The following SLC22A23 variants were observed in gnomAD, a reference collection of about 807,000 sequenced individuals.
The protein encoded by SLC22A23 is ion transporter protein.
Under a neutral mutation model 61.0 loss-of-function variants are expected in SLC22A23, and 26 were observed. The observed-to-expected ratio is 0.43, with a 90% confidence interval of 0.31 to 0.59. SLC22A23 has a LOEUF of 0.59. Among genes scored for constraint, SLC22A23 ranks in the 20% least tolerant of loss-of-function variants. The pLI, the probability that SLC22A23 is intolerant of heterozygous loss-of-function variation, is 0.11. For missense variants in SLC22A23, 796 were observed against 934.7 expected (o/e 0.85, Z 1.94); for synonymous variants, 430 against 413.9 (o/e 1.04, Z -0.47).
intron 3 of SLC22A23, among the ~76,000 whole-genome samples, chr6:3,399,942 A>C (rs1306721713): frequency 6.6e-6 from 1 of 151,104 alleles, no homozygotes; most frequent in East Asian, 1.9e-4. Context: ...GCAATGGCAC[A>C]ATCTCAGCTC....
At chr6:3,335,020 A>G (rs1025913589) in intron 3 of SLC22A23, among the ~76,000 whole-genome samples, 6 of 152,234 alleles carry the variant, frequency 3.9e-5, no homozygotes, top group Non-Finnish European at 8.8e-5. Context: ...GGAGATTACA[A>G]TAAAAAGAAA....
Position 3,390,364 on chromosome 6 carries a change from C to T in SLC22A23, c.913+19824G>A, listed in dbSNP as rs1767587606. On this transcript the variant is annotated intron_variant, in intron 3 of 9. Coordinates refer to ENST00000406686, the MANE Select transcript of SLC22A23 (RefSeq NM_015482.2). The surrounding 1 kb of genome is among the most constrained non-coding windows in gnomAD (Gnocchi z 4.0). ...GAATGCAGAGAGATCTAAGTAGATC[C>T]TGCATCCCTCTTCTCTGCCCCACTC... Among the ~76,000 whole-genome samples, 2 of 152,178 alleles carry T rather than the reference C, an allele frequency of 1.3e-5. No homozygotes were observed. Among genetic ancestry groups the T allele is most frequent in the Non-Finnish European group, 2.9e-5 (2 of 68,022 alleles).
chr6:3,348,838 A>G (rs1480477177), intron 3 of SLC22A23, among the ~76,000 whole-genome samples: 1 of 152,176 alleles, frequency 6.6e-6, no homozygotes, highest in Non-Finnish European at 1.5e-5. Flanking sequence ...CAGCCAACGG[A>G]CCGGGTCCCC....
chr6:3,417,860 C>T (rs1430555228), intron 1 of SLC22A23, among the ~76,000 whole-genome samples: 1 of 152,208 alleles, frequency 6.6e-6, no homozygotes, highest in African/African-American at 2.4e-5. Context: ...AATGCAGGGT[C>T]GTACAGCTAG....
At chr6:3,366,386 A>C (rs957062430) in intron 3 of SLC22A23, among the ~76,000 whole-genome samples, 1 of 146,372 alleles carries the variant, frequency 6.8e-6, no homozygotes, top group African/African-American at 2.5e-5. Flanking sequence ...GAAGGGTATG[A>C]GGTATGATGT....
chr6:3,437,713 T>C (rs1482296338), intron 1 of SLC22A23, among the ~76,000 whole-genome samples: 1 of 148,482 alleles, frequency 6.7e-6, no homozygotes, highest in Non-Finnish European at 1.5e-5. Flanking sequence ...TAAATAATAA[T>C]AATTTTAAAA....
intron 5 of SLC22A23, among the ~76,000 whole-genome samples, chr6:3,294,737 T>C (rs569242967): frequency 6.6e-6 from 1 of 152,228 alleles, no homozygotes; most frequent in Non-Finnish European, 1.5e-5. Flanking sequence ...AGGACTGACA[T>C]TGAGAGAATG....
chr6:3,269,649 A>C lies in SLC22A23; in HGVS notation c.*3406T>G, dbSNP rs867735460. 1.5e-5 allele frequency: 1 copy of C among 66,160 alleles called. No homozygotes were observed. The highest frequency in any genetic ancestry group is 3.3e-5 in the Non-Finnish European group (1 of 30,672). 4.1% of individuals were successfully genotyped at this position (66,160 alleles called of 1,614,324 possible). ...TACAGAAACACAGTTTTTATATTAC[A>C]ACCTCAAGGACAGGGAGGGAAGTGT... is the stretch of plus-strand genomic sequence containing the variant. On this transcript the variant is annotated 3_prime_UTR_variant, in exon 10 of 10. Coordinates refer to ENST00000406686, the MANE Select transcript of SLC22A23 (RefSeq NM_015482.2).
intron 9 of SLC22A23, chr6:3,282,289 A>G (rs1220384485): frequency 1.4e-6 from 1 of 702,588 alleles, no homozygotes; most frequent in Admixed American, 2.0e-5. Context: ...CAAGCACTAA[A>G]TAAGCTCCTG....
At chr6:3,395,170 G>A (rs1417103622) in intron 3 of SLC22A23, among the ~76,000 whole-genome samples, 6 of 152,122 alleles carry the variant, frequency 3.9e-5, no homozygotes. Flanking sequence ...ATTAATACAA[G>A]GGTATTCTCA....
At chr6:3,437,012 G>T (rs1163478986) in intron 1 of SLC22A23, among the ~76,000 whole-genome samples, 4 of 152,100 alleles carry the variant, frequency 2.6e-5, no homozygotes, top group Admixed American at 2.6e-4. Context: ...AAATTGCCTG[G>T]TAACCTTCTG....
chr6:3,346,603 T>G (rs567165783), intron 3 of SLC22A23, among the ~76,000 whole-genome samples: 2 of 152,310 alleles, frequency 1.3e-5, no homozygotes, highest in Admixed American at 6.5e-5. Context: ...TGTGTTGGCA[T>G]TGCATTCCTG....
chr6:3,323,667 A>T, intron 4 of SLC22A23, 167 bp downstream of exon 4: 1 of 788,556 alleles, frequency 1.3e-6, no homozygotes, highest in East Asian at 2.7e-5. Flanking sequence ...TCCAAGACAG[A>T]AAGTTTAAAC....
At chr6:3,407,719 T>G (rs978135135) in intron 3 of SLC22A23, among the ~76,000 whole-genome samples, 5 of 152,254 alleles carry the variant, frequency 3.3e-5, no homozygotes, top group African/African-American at 1.2e-4. Flanking sequence ...CAATGGCATT[T>G]GTCATGATGT....
rs760054804 is a variant in SLC22A23, at chr6:3,273,069, T to A, written c.2047A>T (p.Met683Leu). 12 of 1,566,938 alleles carry A rather than the reference T, an allele frequency of 7.7e-6. No individual in the cohort carries two copies. Among genetic ancestry groups the A allele is most frequent in the Non-Finnish European group, 1.0e-5 (12 of 1,157,886 alleles). ...TLPEGATANGMKAM is the reference protein window; with the variant it reads ...TLPEGATANGLKAM Reference sequence around the variant, plus strand: ...CGCAGGCCGGGCTACATGGCCTTCATGCCGTTGGCCGTGGCACCCTCGGGC... The same window carrying A: ...CGCAGGCCGGGCTACATGGCCTTCAAGCCGTTGGCCGTGGCACCCTCGGGC... The change falls in exon 10 of 10, where the codon ATG (methionine) becomes TTG (leucine). Residue 683 changes from methionine to leucine, a missense_variant. Physicochemically the swap from Met to Leu is conservative, Grantham distance 15. Transcript: ENST00000406686.
chr6:3,280,518 T>TG lies in SLC22A23; in HGVS notation c.1703+3333dup, dbSNP rs1345970031. ...TTTTTTTTTTTTTTTTTTTTTGAGA[T>TG]GGAGTCTCGCTCTGTCGCCCAGGCT... On this transcript the variant is annotated intron_variant, in intron 9 of 9. Transcript: ENST00000406686. Among the ~76,000 whole-genome samples the TG allele has an allele frequency of 3.0e-3, 374 of 125,248 alleles. 6 individuals carry two copies. The highest frequency in any genetic ancestry group is 0.011 in the African/African-American group (358 of 32,360). The allele number at this position is 125,248 out of a possible 152,430, so 82.2% of individuals were successfully genotyped here.
chr6:3,441,678 C>T (rs1476915055), intron 1 of SLC22A23, among the ~76,000 whole-genome samples: 1 of 152,210 alleles, frequency 6.6e-6, no homozygotes, highest in Admixed American at 6.5e-5. Flanking sequence ...CAGTGCACTG[C>T]ACCTGCCCTC....
intron 3 of SLC22A23, among the ~76,000 whole-genome samples, chr6:3,395,324 A>G: frequency 6.6e-6 from 1 of 152,174 alleles, no homozygotes; most frequent in Middle Eastern, 3.2e-3. Context: ...GTATGAATAA[A>G]GTAGTAGGAG....
Position 3,399,304 on chromosome 6 carries a change from A to G in SLC22A23, c.913+10884T>C, listed in dbSNP as rs1009875986. On this transcript the variant is annotated intron_variant, in intron 3 of 9. Coordinates refer to ENST00000406686, the MANE Select transcript of SLC22A23 (RefSeq NM_015482.2). ...ACCCCAAATATTTTCTAAGTCTTAC[A>G]TGGATTTTGGGCCAGCAATCGGAAT... Among the ~76,000 whole-genome samples, 3 of 152,334 alleles carry G rather than the reference A, an allele frequency of 2.0e-5. No individual in the cohort carries two copies. The Middle Eastern group carries it at 0.01, about 518-fold the overall frequency.
Sources: gnomAD v4.1 joint callset for allele counts (sites outside exome capture counted in the v4.1 genomes callset) on GRCh38, gnomAD v4.1.1 for gene constraint, Gnocchi (gnomAD v3.1) non-coding constraint, MANE v1.5 for transcripts, NCBI Gene and HGNC (gene_info 2026-07-23, HGNC 2026-07-21) for gene names.